The following LOXHD1 variants were observed in gnomAD, a reference collection of about 807,000 sequenced individuals.
LOXHD1 encodes lipoxygenase homology domain-containing protein 1.
A neutral mutation model predicts 248.2 loss-of-function variants in LOXHD1; 205 were observed. That is an observed-to-expected ratio of 0.83 (90% CI 0.74 to 0.93). The LOEUF is 0.93. Among genes scored for constraint, LOXHD1 ranks in the 40% least tolerant of loss-of-function variants. The probability of loss-of-function intolerance (pLI) is 0.00; values close to 1 mark genes in which losing one functional copy is unlikely to be tolerated. For synonymous variants in LOXHD1, 1,113 were observed against 1,162.8 expected (o/e 0.96, Z 0.87); for missense variants, 2,930 against 2,971.6 (o/e 0.99, Z 0.33).
chr18:46,583,705 C>A (rs1437155337), intron 12 of LOXHD1, among the ~76,000 whole-genome samples: 1 of 151,912 alleles, frequency 6.6e-6, no homozygotes, highest in Non-Finnish European at 1.5e-5. Flanking sequence ...GGCAAGGATG[C>A]AGAGAAAAGG....
At chr18:46,568,563 G>A (rs1276255727) in intron 16 of LOXHD1, among the ~76,000 whole-genome samples, 5 of 152,176 alleles carry the variant, frequency 3.3e-5, no homozygotes, top group Admixed American at 3.3e-4. Flanking sequence ...GCCAACACCT[G>A]AGGGTAGGGC....
intron 2 of LOXHD1, among the ~76,000 whole-genome samples, chr18:46,642,893 C>A (rs2038981041): frequency 6.6e-6 from 1 of 152,204 alleles, no homozygotes; most frequent in Non-Finnish European, 1.5e-5. Context: ...CTGAGAGCTG[C>A]AGGCCTCACT....
intron 28 of LOXHD1, 135 bp downstream of exon 28, chr18:46,533,027 C>T: frequency 1.1e-6 from 1 of 884,108 alleles, no homozygotes; most frequent in South Asian, 2.0e-5. Context: ...CCTCAGTGGC[C>T]CTCTCTAGAG....
chr18:46,620,614 G>C (rs940075021), intron 4 of LOXHD1, among the ~76,000 whole-genome samples: 2 of 152,214 alleles, frequency 1.3e-5, no homozygotes, highest in African/African-American at 2.4e-5. Context: ...GATGCCCTTG[G>C]GTTGGGGAGG....
intron 12 of LOXHD1, among the ~76,000 whole-genome samples, chr18:46,583,632 T>C (rs1431374466): frequency 6.6e-6 from 1 of 151,874 alleles, no homozygotes; most frequent in African/African-American, 2.4e-5. Context: ...ATCGAAACCA[T>C]AGTGAAATAT....
At chr18:46,627,992 G>T (rs2038767782) in intron 4 of LOXHD1, among the ~76,000 whole-genome samples, 1 of 152,240 alleles carries the variant, frequency 6.6e-6, no homozygotes, top group African/African-American at 2.4e-5. Context: ...AGGCTCTGGT[G>T]CATAGAAGGC....
chr18:46,489,907 T>C (rs1425942307), intron 37 of LOXHD1, among the ~76,000 whole-genome samples: 1 of 152,256 alleles, frequency 6.6e-6, no homozygotes, highest in African/African-American at 2.4e-5. Context: ...TCAACAATCA[T>C]AGAAGAAATC....
chr18:46,509,713 C>G lies in LOXHD1; in HGVS notation c.5502G>C (p.Glu1834Asp). ...IRIDGLGSRPEWFLERILLKN... is the reference protein window; with the variant it reads ...IRIDGLGSRPDWFLERILLKN... ...GACATTTTACCCTCTCCAGGAACCA[C>G]TCCGGCCGACTGCCCAGGCCATCAA... Residue 1834 changes from glutamate to aspartate, a missense_variant, in exon 35 of 41, where the codon GAG becomes GAC. Coordinates refer to ENST00000642948, the MANE Select transcript of LOXHD1 (RefSeq NM_001384474.1). 1.9e-6 allele frequency: 3 copies of G among 1,551,478 alleles called. No individual in the cohort carries two copies. Among genetic ancestry groups the G allele is most frequent in the Non-Finnish European group, 2.6e-6 (3 of 1,146,834 alleles).
intron 15 of LOXHD1, among the ~76,000 whole-genome samples, chr18:46,571,506 A>C (rs1052808558): frequency 6.6e-6 from 1 of 152,140 alleles, no homozygotes; most frequent in South Asian, 2.1e-4. Context: ...AAATATCTTC[A>C]GCTCTTCCGG....
rs1240526533 is a variant in LOXHD1, at chr18:46,639,654, T to TC, written c.472dup (p.Asp158GlyfsTer15). On this transcript the variant is annotated frameshift_variant, in exon 4 of 41. Coordinates refer to ENST00000642948, the MANE Select transcript of LOXHD1 (RefSeq NM_001384474.1). LOFTEE classifies it high-confidence loss of function. ...CATGGGGTTGAAGCTGGCCAGCAGGTCACGGCACCACTGGCGGTCACCTTC... is the reference window on the plus strand; with the variant it reads ...CATGGGGTTGAAGCTGGCCAGCAGGTCCACGGCACCACTGGCGGTCACCTTC... The TC allele has an allele frequency of 6.4e-7, 1 of 1,551,756 alleles. No homozygotes were observed. Among genetic ancestry groups the TC allele is most frequent in the South Asian group, 1.2e-5 (1 of 84,068 alleles).
At chr18:46,617,900 G>C (rs2038611760) in intron 5 of LOXHD1, among the ~76,000 whole-genome samples, 1 of 152,200 alleles carries the variant, frequency 6.6e-6, no homozygotes, top group Admixed American at 6.5e-5. Flanking sequence ...GAGTTTCCTA[G>C]AGATGTGAAG....
At chr18:46,587,154 T>A (rs1345918348) in intron 12 of LOXHD1, among the ~76,000 whole-genome samples, 1 of 152,192 alleles carries the variant, frequency 6.6e-6, no homozygotes, top group African/African-American at 2.4e-5. Flanking sequence ...TCTAATCAAC[T>A]CGTTTAAAAT....
rs143022934 is a variant in LOXHD1, at chr18:46,538,686, G to T, written c.3914-349C>A. On this transcript the variant is annotated intron_variant, in intron 25 of 40. Coordinates refer to ENST00000642948, the MANE Select transcript of LOXHD1 (RefSeq NM_001384474.1). ...CTGTCTTGACCATTGGTGTAATCTG[G>T]GCAAGTTAATTCTGAGCCTCAGTGT... Among the ~76,000 whole-genome samples, 850 of 152,260 alleles carry T rather than the reference G, an allele frequency of 5.6e-3. 8 individuals are homozygous for T. The highest frequency in any genetic ancestry group is 0.019 in the African/African-American group (808 of 41,550).
At chr18:46,624,562 T>G (rs2038714168) in intron 4 of LOXHD1, among the ~76,000 whole-genome samples, 1 of 152,214 alleles carries the variant, frequency 6.6e-6, no homozygotes, top group African/African-American at 2.4e-5. Flanking sequence ...AGGTTTCCTC[T>G]TCCTTCGTCA....
At chr18:46,511,657 T>C (rs1054299850) in intron 34 of LOXHD1, among the ~76,000 whole-genome samples, 1 of 152,178 alleles carries the variant, frequency 6.6e-6, no homozygotes, top group African/African-American at 2.4e-5. Context: ...TTGGCATTGC[T>C]ACAAAGCCCG....
At chr18:46,612,747 A>ATT (rs1011081689) in intron 5 of LOXHD1, among the ~76,000 whole-genome samples, 1 of 152,054 alleles carries the variant, frequency 6.6e-6, no homozygotes, top group African/African-American at 2.4e-5. Context: ...GTTTTTTCAC[A>ATT]TTTAAGTCTT....
chr18:46,528,765 C>A (rs2035932310), intron 29 of LOXHD1, among the ~76,000 whole-genome samples: 1 of 152,180 alleles, frequency 6.6e-6, no homozygotes, highest in African/African-American at 2.4e-5. Context: ...GATAGCAGAA[C>A]CAGGCCTCCA....
chr18:46,560,937 T>C (rs1330480999), intron 18 of LOXHD1, among the ~76,000 whole-genome samples: 4 of 152,114 alleles, frequency 2.6e-5, no homozygotes. Flanking sequence ...TTTATCCCCC[T>C]CCTCTACTTG....
chr18:46,558,288 T>A (rs1010535012), intron 20 of LOXHD1, among the ~76,000 whole-genome samples: 3 of 152,218 alleles, frequency 2.0e-5, no homozygotes, highest in Non-Finnish European at 4.4e-5. Flanking sequence ...ATACCATGAT[T>A]CTTCATCCCT....
Sources: gnomAD v4.1 joint callset for allele counts (sites outside exome capture counted in the v4.1 genomes callset) on GRCh38, gnomAD v4.1.1 for gene constraint, MANE v1.5 for transcripts, NCBI Gene and HGNC (gene_info 2026-07-23, HGNC 2026-07-21) for gene names.